The following ELOVL6 variants were observed in gnomAD, a reference collection of about 807,000 sequenced individuals.
The protein encoded by ELOVL6 is ELOVL fatty acid elongase 6, also known as very long chain fatty acid elongase 6.
Under a neutral mutation model 31.7 loss-of-function variants are expected in ELOVL6, and 8 were observed. The observed-to-expected ratio is 0.25, with a 90% CI of 0.15 to 0.45. The LOEUF is 0.45. ELOVL6 is among the 20% of genes least tolerant of loss of function. The pLI is 1.00. For synonymous variants in ELOVL6, 101 were observed against 117.7 expected (o/e 0.86, Z 0.92); for missense variants, 126 against 326.4 (o/e 0.39, Z 4.73).
At chr4:110,157,954 G>T (rs6818252) in intron 1 of ELOVL6, among the ~76,000 whole-genome samples, 17,682 of 152,150 alleles carry the variant, frequency 0.12, 1,107 homozygotes, top group Non-Finnish European at 0.12. Context: ...GGTACAAGAA[G>T]AATTAACTAA....
chr4:110,090,600 C>CTTTTTTGTTTTTTGTTT (rs1553956743), intron 2 of ELOVL6, among the ~76,000 whole-genome samples: 2 of 103,714 alleles, frequency 1.9e-5, no homozygotes, highest in African/African-American at 8.6e-5. Context: ...GTTTGACTTT[C>CTTTTTTGTTTTTTGTTT]TTTTTTTTTT....
intron 1 of ELOVL6, among the ~76,000 whole-genome samples, chr4:110,114,539 G>A (rs998296227): frequency 1.4e-4 from 22 of 152,204 alleles, no homozygotes; most frequent in African/African-American, 5.1e-4. Flanking sequence ...GAGGTCATTA[G>A]TTCCTGATCA....
intron 1 of ELOVL6, among the ~76,000 whole-genome samples, chr4:110,109,122 T>C (rs1415413940): frequency 6.6e-6 from 1 of 152,230 alleles, no homozygotes; most frequent in Non-Finnish European, 1.5e-5. Flanking sequence ...TAGTTTTTAA[T>C]GTGGATAGAT....
At chr4:110,155,439 AT>A (rs1758387583) in intron 1 of ELOVL6, among the ~76,000 whole-genome samples, 1 of 152,198 alleles carries the variant, frequency 6.6e-6, no homozygotes, top group Non-Finnish European at 1.5e-5. Context: ...TCAGAAAAAA[AT>A]AATTTTTCAA....
At chr4:110,188,789 G>A (rs1188180576) in intron 1 of ELOVL6, among the ~76,000 whole-genome samples, 1 of 151,850 alleles carries the variant, frequency 6.6e-6, no homozygotes, top group Non-Finnish European at 1.5e-5. Flanking sequence ...CTACTCAAGA[G>A]GCTGAGGCGG....
At chr4:110,076,703 G>A (rs2005700) in intron 2 of ELOVL6, among the ~76,000 whole-genome samples, 28,001 of 152,102 alleles carry the variant, frequency 0.18, 3,681 homozygotes, top group African/African-American at 0.36. Context: ...CTGAGGAACC[G>A]GGTTCATCTC....
chr4:110,126,328 G>A (rs567136136), intron 1 of ELOVL6, among the ~76,000 whole-genome samples: 37 of 152,290 alleles, frequency 2.4e-4, no homozygotes, highest in African/African-American at 8.9e-4. Context: ...TTACAGGCAT[G>A]AGTCGCTGCA....
Position 110,084,025 on chromosome 4 carries a change from G to GATATATAT in ELOVL6, c.221+21471_221+21472insATATATAT, listed in dbSNP as rs1560813569. On this transcript the variant is annotated intron_variant, in intron 2 of 3. Transcript: ENST00000302274. Reference sequence around the variant, plus strand: ...ATGCCATATATGGTATATAACATATGCCATATATGGTATATAACACATGCT... The same window carrying GATATATAT: ...ATGCCATATATGGTATATAACATATGATATATATCCATATATGGTATATAACACATGCT... 4.6e-3 allele frequency among the ~76,000 whole-genome samples: 34 copies of GATATATAT among 7,462 alleles called. 2 individuals carry two copies. Among genetic ancestry groups the GATATATAT allele is most frequent in the East Asian group, 0.01 (2 of 192 alleles). The allele number at this position is 7,462 out of a possible 152,430, so 4.9% of individuals were successfully genotyped here.
intron 2 of ELOVL6, among the ~76,000 whole-genome samples, chr4:110,061,380 A>G (rs1012960569): frequency 6.6e-6 from 1 of 151,878 alleles, no homozygotes; most frequent in African/African-American, 2.4e-5. Flanking sequence ...TTACTTTCTT[A>G]TCTTAAGGAA....
intron 2 of ELOVL6, among the ~76,000 whole-genome samples, chr4:110,069,282 T>C (rs1755399376): frequency 6.6e-6 from 1 of 151,690 alleles, no homozygotes; most frequent in Non-Finnish European, 1.5e-5. Flanking sequence ...TCACACACTA[T>C]TTTGTAAAAA....
chr4:110,100,010 T>C (rs1263059089), intron 2 of ELOVL6, among the ~76,000 whole-genome samples: 1 of 152,172 alleles, frequency 6.6e-6, no homozygotes, highest in East Asian at 1.9e-4. Flanking sequence ...GTTCTCAGCA[T>C]TTACCCTAAG....
In ELOVL6 at chr4:110,145,045, A is replaced by G. The variant is rs78899085; in HGVS notation, c.90-39417T>C. 3.8e-4 allele frequency among the ~76,000 whole-genome samples: 58 copies of G among 152,122 alleles called. 1 individual carries two copies. The highest frequency in any genetic ancestry group is 1.3e-3 in the African/African-American group (56 of 41,506). ...GGTATCCAGCAGGATACAATATAAG[A>G]GCACACAGACCAGCTGGAGGAGGAA... is the stretch of plus-strand genomic sequence containing the variant. On this transcript the variant is annotated intron_variant, in intron 1 of 3. Coordinates refer to ENST00000302274, the MANE Select transcript of ELOVL6 (RefSeq NM_024090.3).
chr4:110,056,131 G>GGGT (rs1553953544), intron 3 of ELOVL6, among the ~76,000 whole-genome samples: 1 of 140,346 alleles, frequency 7.1e-6, no homozygotes, highest in Non-Finnish European at 1.6e-5. Context: ...CTGGGGGGGG[G>GGGT]GATACAGTTT....
chr4:110,140,685 G>T (rs1243985220), intron 1 of ELOVL6, among the ~76,000 whole-genome samples: 1 of 151,784 alleles, frequency 6.6e-6, no homozygotes, highest in African/African-American at 2.4e-5. Flanking sequence ...AAGTCTAAAT[G>T]ATATTAAGCT....
At chr4:110,141,121 T>C (rs1245312642) in intron 1 of ELOVL6, among the ~76,000 whole-genome samples, 2 of 152,170 alleles carry the variant, frequency 1.3e-5, no homozygotes, top group African/African-American at 2.4e-5. Context: ...TGGAGTGCAA[T>C]GGCACGATCT....
intron 1 of ELOVL6, among the ~76,000 whole-genome samples, chr4:110,192,585 T>C (rs1175635147): frequency 6.6e-6 from 1 of 152,236 alleles, no homozygotes; most frequent in African/African-American, 2.4e-5. Flanking sequence ...CACAGATGGA[T>C]AATATAATCA....
intron 2 of ELOVL6, among the ~76,000 whole-genome samples, chr4:110,065,098 A>G (rs1048139142): frequency 6.6e-6 from 1 of 152,240 alleles, no homozygotes; most frequent in African/African-American, 2.4e-5. Flanking sequence ...GAAAATAAAT[A>G]TATATGTATA....
At chr4:110,084,244 A>ATATATATAACATATAACT (rs1756089050) in intron 2 of ELOVL6, among the ~76,000 whole-genome samples, 2 of 108,970 alleles carry the variant, frequency 1.8e-5, no homozygotes, top group East Asian at 3.3e-4. Flanking sequence ...AACATATATG[A>ATATATATAACATATAACT]TATATATAAC....
intron 3 of ELOVL6, among the ~76,000 whole-genome samples, chr4:110,055,521 G>T (rs1166184879): frequency 6.6e-6 from 1 of 152,078 alleles, no homozygotes; most frequent in Non-Finnish European, 1.5e-5. Context: ...TTCAGGCAGG[G>T]CATGTTGTTC....
Sources: gnomAD v4.1 joint callset for allele counts (sites outside exome capture counted in the v4.1 genomes callset) on GRCh38, gnomAD v4.1.1 for gene constraint, MANE v1.5 for transcripts, NCBI Gene and HGNC (gene_info 2026-07-23, HGNC 2026-07-21) for gene names.